Variants in TBCEL observed in about 807,000 individuals in gnomAD.
TBCEL encodes tubulin folding cofactor E like.
In TBCEL, 15 loss-of-function variants were observed where a neutral mutation model predicts 44.2. The ratio of observed to expected loss-of-function variants is 0.34; its 90% CI spans 0.23 to 0.52. The LOEUF (loss-of-function observed/expected upper bound fraction) is 0.52. Ranked by LOEUF, TBCEL falls within the 20% of genes least tolerant of loss-of-function variation. The pLI is 0.95. For missense variants in TBCEL, 319 were observed against 506.3 expected (o/e 0.63, Z 3.55); for synonymous variants, 171 against 185.4 (o/e 0.92, Z 0.63).
intron 4 of TBCEL, among the ~76,000 whole-genome samples, chr11:121,048,255 C>G (rs1254935287): frequency 6.6e-6 from 1 of 151,670 alleles, no homozygotes; most frequent in Non-Finnish European, 1.5e-5. Flanking sequence ...TATATTTATT[C>G]TTGTTATTGA....
chr11:121,041,676 G>A (rs905421122), intron 2 of TBCEL, among the ~76,000 whole-genome samples: 1 of 151,176 alleles, frequency 6.6e-6, no homozygotes, highest in African/African-American at 2.4e-5. Flanking sequence ...TTTCCATCCT[G>A]TATTTCCTCA....
intron 8 of TBCEL, among the ~76,000 whole-genome samples, chr11:121,080,460 TTTCTC>T (rs567976184): frequency 1.1e-3 from 173 of 152,320 alleles, no homozygotes; most frequent in African/African-American, 3.8e-3. Context: ...TCCCCTTATT[TTTCTC>T]TAGGATACTC....
At chr11:121,051,966 C>T (rs1945536946) in intron 4 of TBCEL, among the ~76,000 whole-genome samples, 3 of 151,740 alleles carry the variant, frequency 2.0e-5, no homozygotes, top group African/African-American at 7.3e-5. Flanking sequence ...GTTCTCCCTC[C>T]TGGATACTCT....
At chr11:121,047,762 A>G (rs1945455663) in intron 4 of TBCEL, 95 bp downstream of exon 4, 6 of 1,454,946 alleles carry the variant, frequency 4.1e-6, no homozygotes, top group African/African-American at 1.4e-5. Flanking sequence ...TTCTGTTCTC[A>G]CTTGATGTCT....
At chr11:121,062,798 G>A (rs1316386841) in intron 8 of TBCEL, among the ~76,000 whole-genome samples, 1 of 152,158 alleles carries the variant, frequency 6.6e-6, no homozygotes, top group African/African-American at 2.4e-5. Context: ...AGGGAGTCAA[G>A]GATAGATACA....
intron 2 of TBCEL, among the ~76,000 whole-genome samples, chr11:121,043,003 T>A (rs536943075): frequency 6.6e-6 from 1 of 152,312 alleles, no homozygotes; most frequent in South Asian, 2.1e-4. Flanking sequence ...AACTTTACAA[T>A]GGCCCTTTAA....
chr11:121,040,620 T>C (rs1367883714), intron 2 of TBCEL, among the ~76,000 whole-genome samples: 4 of 152,106 alleles, frequency 2.6e-5, no homozygotes, highest in Non-Finnish European at 5.9e-5. Context: ...TCTCTTTTCT[T>C]CCTCACTCCC....
chr11:121,041,792 C>T (rs1224309848), intron 2 of TBCEL, among the ~76,000 whole-genome samples: 1 of 151,742 alleles, frequency 6.6e-6, no homozygotes, highest in Non-Finnish European at 1.5e-5. Context: ...ATTTCACAAT[C>T]TTGATGTTCT....
rs189017500 is a variant in TBCEL at position 121,047,430 on chromosome 11, C to G, written c.134-98C>G. 1.4e-3 allele frequency: 1,914 copies of G among 1,399,574 alleles called. 52 individuals carry two copies. The South Asian group carries it at 0.02, about 15-fold the overall frequency. The allele number at this position is 1,399,574 out of a possible 1,614,324, so 86.7% of individuals were successfully genotyped here. On this transcript the variant is annotated intron_variant, in intron 3 of 8. Coordinates refer to ENST00000683345, the MANE Select transcript of TBCEL (RefSeq NM_001363644.2). ...TTCTAGATCCTTATGTAATTTCACA[C>G]AGTTTGATTTTTGTTTCTTGACACT...
Position 121,087,247 on chromosome 11 carries a change from G to A in TBCEL, c.*151G>A, listed in dbSNP as rs988360833. The A allele has an allele frequency of 3.9e-6, 3 of 774,760 alleles. No homozygotes were observed. The highest frequency in any genetic ancestry group is 6.0e-6 in the Non-Finnish European group (3 of 499,940). The allele number at this position is 774,760 out of a possible 1,614,324, so 48.0% of individuals were successfully genotyped here. A position where few individuals can be genotyped will look rare whatever the true frequency, so the allele number is the denominator to read the frequency against. The stretch of plus-strand genomic sequence containing the variant: ...GATTTTGTATATTTTTCCCCCTGGA[G>A]TGAGTAGGGGCCATTTTTGGGTGTT... On this transcript the variant is annotated 3_prime_UTR_variant, in exon 9 of 9. Transcript: ENST00000683345.
chr11:121,041,378 T>C (rs1433000498), intron 2 of TBCEL, among the ~76,000 whole-genome samples: 1 of 152,200 alleles, frequency 6.6e-6, no homozygotes, highest in Non-Finnish European at 1.5e-5. Context: ...TTATTCTGAC[T>C]TTTTCCAAGC....
intron 7 of TBCEL, among the ~76,000 whole-genome samples, chr11:121,058,774 C>T (rs1255988188): frequency 1.3e-5 from 2 of 151,840 alleles, no homozygotes; most frequent in Admixed American, 6.6e-5. Flanking sequence ...AGTAAAAGTA[C>T]GTACAGTAGG....
chr11:121,076,690 A>G (rs1946039830), intron 8 of TBCEL, among the ~76,000 whole-genome samples: 3 of 152,126 alleles, frequency 2.0e-5, no homozygotes, highest in South Asian at 4.2e-4. Flanking sequence ...TGGACCTCCA[A>G]TATAGTATCG....
At chr11:121,084,294 GT>G (rs1946176919) in intron 8 of TBCEL, among the ~76,000 whole-genome samples, 1 of 152,082 alleles carries the variant, frequency 6.6e-6, no homozygotes, top group Non-Finnish European at 1.5e-5. Context: ...TTGCTCCTCA[GT>G]TTGTTTCTTT....
chr11:121,059,964 T>C lies in TBCEL; in HGVS notation c.840-5T>C. 1 of 1,600,926 alleles carries C rather than the reference T, an allele frequency of 6.2e-7. No individual in the cohort carries two copies. The highest frequency in any genetic ancestry group is 8.5e-7 in the Non-Finnish European group (1 of 1,170,664). On this transcript the variant is annotated splice_polypyrimidine_tract_variant and splice_region_variant and intron_variant, in intron 7 of 8. Coordinates refer to ENST00000683345, the MANE Select transcript of TBCEL (RefSeq NM_001363644.2). ...AAATGTCTTTATTTTGGTTTTAACT[T>C]ATAGATTGCCATCAGTTTCCAAACT...
chr11:121,033,741 A>G (rs201640947), intron 1 of TBCEL, among the ~76,000 whole-genome samples: 2 of 152,302 alleles, frequency 1.3e-5, no homozygotes, highest in East Asian at 3.9e-4. Context: ...AACCATCACC[A>G]TCAATCAGCT....
rs1248035407 is a variant in TBCEL at position 121,053,701 on chromosome 11, A to G, written c.424A>G (p.Thr142Ala). 1 of 1,611,994 alleles carries G rather than the reference A, an allele frequency of 6.2e-7. No homozygotes were observed. Among genetic ancestry groups the G allele is most frequent in the Non-Finnish European group, 8.5e-7 (1 of 1,178,788 alleles). ...CAACAACAGCAAAGCTTCTTGGGAG[A>G]CGGTCCACATGATACTACAGGAGTT... is the stretch of plus-strand genomic sequence containing the variant. ...VLNNSKASWE[T>A]VHMILQELPD... Residue 142 changes from threonine (T) to alanine (A), a missense_variant, in exon 5 of 9, where the codon ACG becomes GCG. Thr to Ala is a moderately conservative substitution (Grantham distance 58, BLOSUM62 0). Coordinates refer to ENST00000683345, the MANE Select transcript of TBCEL (RefSeq NM_001363644.2).
chr11:121,073,582 T>C (rs997780237), intron 8 of TBCEL, among the ~76,000 whole-genome samples: 2 of 151,904 alleles, frequency 1.3e-5, no homozygotes, highest in Non-Finnish European at 2.9e-5. Context: ...TTTTTATACC[T>C]CTTTTTTTTC....
In TBCEL at chr11:121,049,362, C is replaced by T. The variant is rs547802244; in HGVS notation, c.273+1695C>T. 2.6e-5 allele frequency among the ~76,000 whole-genome samples: 4 copies of T among 151,726 alleles called. No individual in the cohort carries two copies. The South Asian group carries it at 6.2e-4, about 24-fold the overall frequency. On this transcript the variant is annotated intron_variant, in intron 4 of 8. Coordinates refer to ENST00000683345, the MANE Select transcript of TBCEL (RefSeq NM_001363644.2). ...TTGTTTAAGAAAAACCTATCCATAACCTAGTTTTGGTAAGCTTTTCTTAAA... is the reference window on the plus strand; with the variant it reads ...TTGTTTAAGAAAAACCTATCCATAATCTAGTTTTGGTAAGCTTTTCTTAAA...
Sources: gnomAD v4.1 joint callset for allele counts (sites outside exome capture counted in the v4.1 genomes callset) on GRCh38, gnomAD v4.1.1 for gene constraint, MANE v1.5 for transcripts, NCBI Gene and HGNC (gene_info 2026-07-23, HGNC 2026-07-21) for gene names.